Variants in PI4K2B observed in about 807,000 individuals in gnomAD.
PI4K2B encodes phosphatidylinositol 4-kinase type 2 beta, also known as phosphatidylinositol 4-kinase type 2-beta.
A neutral mutation model predicts 56.6 loss-of-function variants in PI4K2B; 46 were observed. That is an observed-to-expected ratio of 0.81 (90% CI 0.64 to 1.04). The LOEUF is 1.04. Ranked by LOEUF, PI4K2B falls within the 50% of genes least tolerant of loss-of-function variation. The pLI is 0.00. For missense variants in PI4K2B, 556 were observed against 607.7 expected, an observed-to-expected ratio of 0.91 and a Z score of 0.89; for synonymous variants, 211 against 223.8, an observed-to-expected ratio of 0.94 and a Z score of 0.51.
In PI4K2B at chr4:25,259,890, C is replaced by T. The variant is rs539461600; in HGVS notation, c.911-634C>T. On this transcript the variant is annotated intron_variant, in intron 5 of 9. Coordinates refer to ENST00000264864, the MANE Select transcript of PI4K2B (RefSeq NM_018323.4). Reference sequence around the variant, plus strand: ...CCCTGGACTGTCAGGGTCAGCATTACGTGAGAATTTGTTAAACATGCATCT... The same window carrying T: ...CCCTGGACTGTCAGGGTCAGCATTATGTGAGAATTTGTTAAACATGCATCT... Among the ~76,000 whole-genome samples the T allele has an allele frequency of 5.3e-5, 8 of 152,234 alleles. No homozygotes were observed. The East Asian group carries it at 7.7e-4, about 15-fold the overall frequency.
At chr4:25,249,340 A>C (rs187934250) in intron 1 of PI4K2B, among the ~76,000 whole-genome samples, 1 of 151,808 alleles carries the variant, frequency 6.6e-6, no homozygotes, top group Non-Finnish European at 1.5e-5. Context: ...CCTCCCAGAC[A>C]GGGTGGCGGC....
In PI4K2B at chr4:25,234,742, C is replaced by T. The variant is rs150793497; in HGVS notation, c.268+311C>T. On this transcript the variant is annotated intron_variant, in intron 1 of 9. Transcript: ENST00000264864. ...GGGAGAGGTTAACGCTGTAAAATGA[C>T]GTAAGTCCTTGCTCAAGTTTGGACT... Among the ~76,000 whole-genome samples, 279 of 152,320 alleles carry T rather than the reference C, an allele frequency of 1.8e-3. 1 individual carries two copies. The highest frequency in any genetic ancestry group is 6.6e-3 in the African/African-American group (275 of 41,580).
At position 25,252,464 on chromosome 4, in the gene PI4K2B, G is replaced by C; in HGVS notation, c.412G>C (p.Asp138His). ...TTCAAGTGGAAGTTACTTTGTGAAGGATCCTAAGAGGGTGAGAATTTCACA... is the reference window on the plus strand; with the variant it reads ...TTCAAGTGGAAGTTACTTTGTGAAGCATCCTAAGAGGGTGAGAATTTCACA... Reference protein sequence around the residue: ...QGSSGSYFVKDPKRKIIGVFK... With the variant: ...QGSSGSYFVKHPKRKIIGVFK... Residue 138 changes from aspartate (D) to histidine (H), a missense_variant, in exon 2 of 10, where the codon GAT (aspartate) becomes CAT (histidine). Coordinates refer to ENST00000264864, the MANE Select transcript of PI4K2B (RefSeq NM_018323.4). 1 of 1,608,314 alleles carries C rather than the reference G, an allele frequency of 6.2e-7. No individual in the cohort carries two copies. The highest frequency in any genetic ancestry group is 8.5e-7 in the Non-Finnish European group (1 of 1,174,942).
At position 25,244,121 on chromosome 4, in the gene PI4K2B, T is replaced by A. The variant is rs372726609; in HGVS notation, c.269-8200T>A. On this transcript the variant is annotated intron_variant, in intron 1 of 9. Transcript: ENST00000264864. ...TACCTATCAGGATCATCTGAAAACTTCCCCAGGTCTGCCTTGATCTGCTTT... is the reference window on the plus strand; with the variant it reads ...TACCTATCAGGATCATCTGAAAACTACCCCAGGTCTGCCTTGATCTGCTTT... Among the ~76,000 whole-genome samples the A allele has an allele frequency of 5.3e-3, 802 of 152,254 alleles. 6 individuals carry two copies. Among genetic ancestry groups the A allele is most frequent in the African/African-American group, 0.018 (752 of 41,534 alleles).
At position 25,249,781 on chromosome 4, in the gene PI4K2B, G is replaced by T. The variant is rs544890391; in HGVS notation, c.269-2540G>T. On this transcript the variant is annotated intron_variant, in intron 1 of 9. Transcript: ENST00000264864. Reference sequence around the variant, plus strand: ...CCTCCCCACATCCCAGACGATGGGCGGCCAGGCAGAGACGCTCCTCACTTC... The same window carrying T: ...CCTCCCCACATCCCAGACGATGGGCTGCCAGGCAGAGACGCTCCTCACTTC... Among the ~76,000 whole-genome samples the T allele has an allele frequency of 1.1e-4, 16 of 152,234 alleles. No individual in the cohort carries two copies. The East Asian group carries it at 2.9e-3, about 28-fold the overall frequency.
chr4:25,249,794 C>A (rs561651726), intron 1 of PI4K2B, among the ~76,000 whole-genome samples: 1 of 151,794 alleles, frequency 6.6e-6, no homozygotes, highest in Non-Finnish European at 1.5e-5. Flanking sequence ...CAGGCAGAGA[C>A]GCTCCTCACT....
chr4:25,235,813 A>G (rs962590857), intron 1 of PI4K2B, among the ~76,000 whole-genome samples: 58 of 152,316 alleles, frequency 3.8e-4, no homozygotes, highest in African/African-American at 1.4e-3. Flanking sequence ...TTGTTCTGTG[A>G]AAGTGAGGTG....
intron 7 of PI4K2B, among the ~76,000 whole-genome samples, chr4:25,265,198 CAAAAA>C (rs71188933): frequency 1.5e-4 from 10 of 65,400 alleles, no homozygotes; most frequent in African/African-American, 3.4e-4. Flanking sequence ...TCTGTCTCAC[CAAAAA>C]AAAAAAAAAA....
chr4:25,252,197 A>T, intron 1 of PI4K2B, 124 bp from the exon 2 acceptor site: 1 of 594,886 alleles, frequency 1.7e-6, no homozygotes, highest in Admixed American at 2.9e-5. Context: ...AAGGAGGATT[A>T]GAGCAGTCTA....
Position 25,269,405 on chromosome 4 carries a change from G to A in PI4K2B, c.1272+202G>A, listed in dbSNP as rs550968299. 8.4e-3 allele frequency among the ~76,000 whole-genome samples: 1,286 copies of A among 152,210 alleles called. 9 individuals are homozygous for A. The highest frequency in any genetic ancestry group is 0.028 in the African/African-American group (1,180 of 41,540). ...TAATCCCAGTGCTTTGGGAGGCCAAGGCGGGTGAATCACCTGAGGTCAGGA... is the reference window on the plus strand; with the variant it reads ...TAATCCCAGTGCTTTGGGAGGCCAAAGCGGGTGAATCACCTGAGGTCAGGA... On this transcript the variant is annotated intron_variant, in intron 9 of 9. Transcript: ENST00000264864.
chr4:25,243,852 G>A (rs1370820658), intron 1 of PI4K2B, among the ~76,000 whole-genome samples: 1 of 152,194 alleles, frequency 6.6e-6, no homozygotes, highest in Non-Finnish European at 1.5e-5. Context: ...CAGTCCCCAT[G>A]ATCTGGTCAA....
chr4:25,272,664 C>G (rs1478737069), intron 9 of PI4K2B, among the ~76,000 whole-genome samples: 1 of 152,020 alleles, frequency 6.6e-6, no homozygotes, highest in Non-Finnish European at 1.5e-5. Context: ...GGCAACAGAC[C>G]AAGACCTCAT....
chr4:25,262,077 A>AT (rs1314068840), intron 6 of PI4K2B, among the ~76,000 whole-genome samples: 7 of 152,090 alleles, frequency 4.6e-5, no homozygotes. Context: ...GGGAGGATTG[A>AT]TTGAGTCCAG....
chr4:25,275,863 A>AGAGGCC (rs1717074482), intron 9 of PI4K2B, among the ~76,000 whole-genome samples: 1 of 152,226 alleles, frequency 6.6e-6, no homozygotes, highest in African/African-American at 2.4e-5. Context: ...CAGCACTTTA[A>AGAGGCC]GAGGCCAAGG....
At chr4:25,272,884 C>T (rs1449390553) in intron 9 of PI4K2B, among the ~76,000 whole-genome samples, 2 of 151,906 alleles carry the variant, frequency 1.3e-5, no homozygotes, top group African/African-American at 2.4e-5. Context: ...AAAAATTTAC[C>T]TATATTCCAA....
At chr4:25,268,604 CA>C in intron 8 of PI4K2B, 28 bp downstream of exon 8, 1 of 1,462,968 alleles carries the variant, frequency 6.8e-7, no homozygotes. Flanking sequence ...TTGATTATTG[CA>C]GAAAATGAAA....
At chr4:25,240,831 G>A (rs1196143931) in intron 1 of PI4K2B, among the ~76,000 whole-genome samples, 1 of 151,558 alleles carries the variant, frequency 6.6e-6, no homozygotes, top group Non-Finnish European at 1.5e-5. Flanking sequence ...CCTTCTCTTT[G>A]TCACTTTCTC....
At chr4:25,254,090 A>C (rs1340723486) in intron 2 of PI4K2B, among the ~76,000 whole-genome samples, 1 of 152,208 alleles carries the variant, frequency 6.6e-6, no homozygotes, top group Non-Finnish European at 1.5e-5. Context: ...TTCCTGAAAA[A>C]ATAGCTGGAA....
At chr4:25,258,269 G>A (rs904286205) in intron 4 of PI4K2B, among the ~76,000 whole-genome samples, 7 of 139,896 alleles carry the variant, frequency 5.0e-5, no homozygotes, top group African/African-American at 1.8e-4. Flanking sequence ...GTGCAGTGGT[G>A]CAATCTTGGC....
Sources: gnomAD v4.1 joint callset for allele counts (sites outside exome capture counted in the v4.1 genomes callset) on GRCh38, gnomAD v4.1.1 for gene constraint, MANE v1.5 for transcripts, NCBI Gene and HGNC (gene_info 2026-07-23, HGNC 2026-07-21) for gene names.